Variants in PPM1K observed in about 807,000 individuals in gnomAD.
The protein encoded by PPM1K is protein phosphatase Mn(2+)-dependent 1K.
PPM1K carries 19 observed loss-of-function variants against 32.6 expected under a neutral mutation model. That is an observed-to-expected ratio of 0.58 (90% CI 0.41 to 0.86). The LOEUF is 0.86. Among genes scored for constraint, PPM1K ranks in the 40% least tolerant of loss-of-function variants. The pLI, the probability that PPM1K is intolerant of heterozygous loss-of-function variation, is 0.00. For synonymous variants in PPM1K, 159 were observed against 165.3 expected, an observed-to-expected ratio of 0.96 and a Z score of 0.29; for missense variants, 362 against 461.2, an observed-to-expected ratio of 0.78 and a Z score of 1.97.
intron 6 of PPM1K, among the ~76,000 whole-genome samples, chr4:88,263,181 T>C (rs1180255481): frequency 6.6e-6 from 1 of 152,136 alleles, no homozygotes; most frequent in Non-Finnish European, 1.5e-5. Context: ...ACAAAAAAAC[T>C]AGCCATAATC....
rs1731051199 is a variant in PPM1K, at chr4:88,259,742, CAG to C, written c.*2851_*2852del. ...TATGCTTACTCAAAGTTAACTGGCT[CAG>C]AGTTTTAAAAGCTTTCCCGGATAAA... On this transcript the variant is annotated 3_prime_UTR_variant, in exon 7 of 7. Transcript: ENST00000608933. 6.6e-6 allele frequency: 1 copy of C among 152,140 alleles called. No individual in the cohort carries two copies. Among genetic ancestry groups the C allele is most frequent in the South Asian group, 2.1e-4 (1 of 4,824 alleles). The allele number at this position is 152,140 out of a possible 1,614,324, so 9.4% of individuals were successfully genotyped here. A position where few individuals can be genotyped will look rare whatever the true frequency, so the allele number is the denominator to read the frequency against.
chr4:88,269,388 A>G (rs946019229), intron 3 of PPM1K, among the ~76,000 whole-genome samples: 3 of 152,230 alleles, frequency 2.0e-5, no homozygotes, highest in Admixed American at 6.5e-5. Context: ...TGCTGTGAAC[A>G]TATTATCAGT....
intron 5 of PPM1K, among the ~76,000 whole-genome samples, chr4:88,265,679 G>A (rs1436672307): frequency 6.6e-6 from 1 of 152,208 alleles, no homozygotes; most frequent in African/African-American, 2.4e-5. Flanking sequence ...GAATTAACCA[G>A]CAAGGATAAA....
At chr4:88,275,676 A>C (rs1011627677) in intron 3 of PPM1K, 42 of 981,248 alleles carry the variant, frequency 4.3e-5, no homozygotes, top group Non-Finnish European at 4.7e-5. Flanking sequence ...CCGACACTAC[A>C]GTCAACAAAC....
intron 3 of PPM1K, chr4:88,276,696 T>C (rs1174143307): frequency 1.7e-5 from 17 of 983,062 alleles, no homozygotes; most frequent in Non-Finnish European, 1.8e-5. Context: ...CTATTTGCAA[T>C]TTTTTTCTTG....
rs1731898364 is a variant in PPM1K at position 88,278,824 on chromosome 4, A to G, written c.-59-182T>C. On this transcript the variant is annotated intron_variant, in intron 1 of 6. Transcript: ENST00000608933. The surrounding 1 kb of genome is among the most constrained non-coding windows in gnomAD (Gnocchi z 4.2). ...GAAAATACATATATTTATGTTATATATTGGGTAGGCATCCAGTAGCCTGCT... is the reference window on the plus strand; with the variant it reads ...GAAAATACATATATTTATGTTATATGTTGGGTAGGCATCCAGTAGCCTGCT... The G allele has an allele frequency of 2.1e-6, 1 of 471,332 alleles. No individual in the cohort carries two copies. 29.2% of individuals were successfully genotyped at this position (471,332 alleles called of 1,614,324 possible). A position where few individuals can be genotyped will look rare whatever the true frequency, so the allele number is the denominator to read the frequency against.
At chr4:88,277,094 CCACCCCATGTA>C in intron 3 of PPM1K, 38 bp downstream of exon 3, 2 of 1,400,574 alleles carry the variant, frequency 1.4e-6, no homozygotes, top group Non-Finnish European at 2.0e-6. Context: ...TACTCCTCCC[CCACCCCATGTA>C]CTCCCTAGGA....
chr4:88,276,493 T>C, intron 3 of PPM1K: 4 of 985,416 alleles, frequency 4.1e-6, no homozygotes, highest in Non-Finnish European at 4.8e-6. Flanking sequence ...ACCAGAAACA[T>C]TTCACTTTCA....
intron 1 of PPM1K, chr4:88,279,033 A>G (rs760414522): frequency 9.3e-5 from 15 of 160,664 alleles, no homozygotes; most frequent in Admixed American, 4.8e-4. Flanking sequence ...CTGCATTTCT[A>G]ACCAACACCC....
intron 5 of PPM1K, among the ~76,000 whole-genome samples, chr4:88,267,711 G>A (rs1731392462): frequency 6.6e-6 from 1 of 152,172 alleles, no homozygotes. Flanking sequence ...TCTGGGAACA[G>A]GTTTTACTAT....
At chr4:88,272,003 C>T (rs1731576212) in intron 3 of PPM1K, among the ~76,000 whole-genome samples, 1 of 152,102 alleles carries the variant, frequency 6.6e-6, no homozygotes, top group Admixed American at 6.5e-5. Context: ...CAGGCCGACA[C>T]ATCAAAAGAA....
intron 1 of PPM1K, among the ~76,000 whole-genome samples, chr4:88,281,312 T>A (rs1287738084): frequency 1.3e-5 from 2 of 152,192 alleles, no homozygotes; most frequent in East Asian, 3.8e-4. Context: ...AATATTGAAG[T>A]TTTTCTGCAA....
chr4:88,270,674 G>T (rs1346364310), intron 3 of PPM1K, among the ~76,000 whole-genome samples: 1 of 152,060 alleles, frequency 6.6e-6, no homozygotes, highest in African/African-American at 2.4e-5. Flanking sequence ...TCTTAAAAAT[G>T]GTTTATTATT....
chr4:88,277,225 CT>C lies in PPM1K; in HGVS notation c.458del (p.Glu153GlyfsTer8). ...AGGTCAACAGAGTTTCCAAGTTCTTCTCCTTAGGAAGCAAATCCCTTTGTGG... is the reference window on the plus strand; with the variant it reads ...AGGTCAACAGAGTTTCCAAGTTCTTCCCTTAGGAAGCAAATCCCTTTGTGG... ...EKCIMDLLPK[E>X]KNLETLLTLA... is the part of the protein sequence containing the mutation. On this transcript the variant is annotated frameshift_variant, in exon 3 of 7. Transcript: ENST00000608933. LOFTEE classifies it high-confidence loss of function. 6.2e-7 allele frequency: 1 copy of C among 1,613,800 alleles called. No individual in the cohort carries two copies. The highest frequency in any genetic ancestry group is 8.5e-7 in the Non-Finnish European group (1 of 1,179,704).
intron 2 of PPM1K, 76 bp from the exon 3 acceptor site, chr4:88,277,319 G>A: frequency 1.0e-6 from 1 of 983,338 alleles, no homozygotes; most frequent in African/African-American, 1.6e-5. Flanking sequence ...ACTCTAGCTA[G>A]CAGTCATTCC....
In PPM1K at chr4:88,265,098, G is replaced by T. The variant is rs763983855; in HGVS notation, c.890C>A (p.Thr297Lys). Residue 297 changes from threonine to lysine, a missense_variant, in exon 6 of 7, where the codon ACA becomes AAA. By Grantham distance (78) the Thr-to-Lys change is moderately conservative. Transcript: ENST00000608933. ...HADDSFLVLT[T>K]DGINFMVNSQ... ...ATTCACCATGAAGTTAATTCCATCT[G>T]TGGTGAGGACCAGGAAGCTGTCATC... 1.9e-6 allele frequency: 3 copies of T among 1,614,136 alleles called. No individual in the cohort carries two copies. In the South Asian group the frequency reaches 3.3e-5, roughly 18 times the overall value.
intron 6 of PPM1K, among the ~76,000 whole-genome samples, chr4:88,263,488 G>C (rs1429084706): frequency 6.6e-6 from 1 of 152,138 alleles, no homozygotes; most frequent in Non-Finnish European, 1.5e-5. Flanking sequence ...ACCCAGGCTG[G>C]AGTGCAGTGG....
Position 88,258,535 on chromosome 4 carries a change from G to C in PPM1K, c.*4060C>G, listed in dbSNP as rs182523595. ...CCCAGCTACTCCAGAGGCTGAGGCA[G>C]GAGAATCGCTTAAACCCAGGAGGCA... On this transcript the variant is annotated 3_prime_UTR_variant, in exon 7 of 7. Coordinates refer to ENST00000608933, the MANE Select transcript of PPM1K (RefSeq NM_152542.5). 1 of 152,210 alleles carries C rather than the reference G, an allele frequency of 6.6e-6. No individual in the cohort carries two copies. The highest frequency in any genetic ancestry group is 1.9e-4 in the East Asian group (1 of 5,162). 9.4% of individuals were successfully genotyped at this position (152,210 alleles called of 1,614,324 possible).
chr4:88,271,131 A>G (rs1235932731), intron 3 of PPM1K: 1 of 518,406 alleles, frequency 1.9e-6, no homozygotes, highest in Non-Finnish European at 3.9e-6. Context: ...TTTCCACTGA[A>G]GCCCCGCATA....
Sources: allele counts gnomAD v4.1 joint callset (sites outside exome capture counted in the v4.1 genomes callset), GRCh38; gene constraint gnomAD v4.1.1; non-coding constraint Gnocchi (gnomAD v3.1); transcripts MANE v1.5; gene names NCBI Gene and HGNC (gene_info 2026-07-23, HGNC 2026-07-21).